C9orf153: variants seen among roughly 807,000 people sequenced by gnomAD.
C9orf153 encodes the protein chromosome 9 open reading frame 153, also known as uncharacterized protein C9orf153.
In C9orf153, 10 loss-of-function variants were observed where a neutral mutation model predicts 9.0. The observed-to-expected ratio is 1.11, with a 90% CI of 0.69 to 1.89. The LOEUF (loss-of-function observed/expected upper bound fraction) is 1.89, where lower values mean the gene tolerates loss of function less well. Among genes scored for constraint, C9orf153 ranks in the 40% most tolerant of loss-of-function variants. The pLI is 0.00. For missense variants in C9orf153, 108 were observed against 111.0 expected, an observed-to-expected ratio of 0.97 and a Z score of 0.12; for synonymous variants, 35 against 37.3, an observed-to-expected ratio of 0.94 and a Z score of 0.23.
At chr9:86,236,611 A>C (rs7874751) in intron 1 of C9orf153, among the ~76,000 whole-genome samples, 1 of 150,706 alleles carries the variant, frequency 6.6e-6, no homozygotes, top group Non-Finnish European at 1.5e-5. Flanking sequence ...CAAACATTTA[A>C]GGAATGTGTT....
Position 86,221,512 on chromosome 9 carries a change from G to A in C9orf153, c.*176C>T. 1 of 1,364,566 alleles carries A rather than the reference G, an allele frequency of 7.3e-7. No individual in the cohort carries two copies. The highest frequency in any genetic ancestry group is 2.8e-5 in the East Asian group (1 of 35,540). 84.5% of individuals were successfully genotyped at this position (1,364,566 alleles called of 1,614,324 possible). Reference sequence around the variant, plus strand: ...TTAATACACTACATATTCCATTTAAGAGAATAACTTCCTTCATTTTGATAA... The same window carrying A: ...TTAATACACTACATATTCCATTTAAAAGAATAACTTCCTTCATTTTGATAA... On this transcript the variant is annotated 3_prime_UTR_variant, in exon 4 of 4. Coordinates refer to ENST00000339137, the MANE Select transcript of C9orf153 (RefSeq NM_001276366.4).
chr9:86,252,777 T>C (rs1204112603), intron 1 of C9orf153, among the ~76,000 whole-genome samples: 1 of 152,248 alleles, frequency 6.6e-6, no homozygotes, highest in African/African-American at 2.4e-5. Flanking sequence ...CACAGGTTCC[T>C]GATAACTTTA....
rs1824170404 is a variant in C9orf153, at chr9:86,220,370, A to C, written c.*1318T>G. The C allele has an allele frequency of 6.6e-6, 1 of 152,284 alleles. No individual in the cohort carries two copies. The highest frequency in any genetic ancestry group is 2.1e-4 in the South Asian group (1 of 4,830). 9.4% of individuals were successfully genotyped at this position (152,284 alleles called of 1,614,324 possible). A position where few individuals can be genotyped will look rare whatever the true frequency, so the allele number is the denominator to read the frequency against. On this transcript the variant is annotated 3_prime_UTR_variant, in exon 4 of 4. Coordinates refer to ENST00000339137, the MANE Select transcript of C9orf153 (RefSeq NM_001276366.4). The stretch of plus-strand genomic sequence containing the variant: ...CCTCTGGGTTCTTACTAAAATACAT[A>C]CTTTATTAGTAGTTTTTTTTAAGCA...
intron 3 of C9orf153, among the ~76,000 whole-genome samples, chr9:86,222,655 C>T (rs565357276): frequency 6.6e-5 from 10 of 152,248 alleles, no homozygotes; most frequent in African/African-American, 2.4e-4. Flanking sequence ...AGCGATTCCC[C>T]TCTCCCTTCT....
chr9:86,252,393 T>C (rs1049529886), intron 1 of C9orf153, among the ~76,000 whole-genome samples: 1 of 152,200 alleles, frequency 6.6e-6, no homozygotes, highest in African/African-American at 2.4e-5. Context: ...AAAGTAAAGA[T>C]TTTTGCTTTT....
intron 1 of C9orf153, among the ~76,000 whole-genome samples, chr9:86,238,341 T>G (rs1824650135): frequency 6.6e-6 from 1 of 152,162 alleles, no homozygotes; most frequent in Non-Finnish European, 1.5e-5. Context: ...TACACATTCT[T>G]CTCAAGATCA....
chr9:86,241,179 T>C (rs755933453), intron 1 of C9orf153, among the ~76,000 whole-genome samples: 1 of 152,170 alleles, frequency 6.6e-6, no homozygotes, highest in Non-Finnish European at 1.5e-5. Context: ...TATATATACC[T>C]CTGTTCATCA....
chr9:86,249,838 C>A lies in C9orf153; in HGVS notation c.-27+9712G>T, dbSNP rs115357963. 6.3e-3 allele frequency among the ~76,000 whole-genome samples: 967 copies of A among 152,320 alleles called. 10 individuals carry two copies. The highest frequency in any genetic ancestry group is 0.024 in the Middle Eastern group (7 of 294). The stretch of plus-strand genomic sequence containing the variant: ...CTGGGATTACAGGCATGAGACACTG[C>A]ACTTGGCCACCTTCCCCTTTGCTCT... On this transcript the variant is annotated intron_variant, in intron 1 of 3. Transcript: ENST00000339137.
chr9:86,243,196 C>T (rs1191537104), intron 1 of C9orf153, among the ~76,000 whole-genome samples: 2 of 152,284 alleles, frequency 1.3e-5, no homozygotes, highest in East Asian at 3.9e-4. Context: ...TACTCAGTCC[C>T]ATGACAGGCC....
chr9:86,256,868 T>C (rs998199503), intron 1 of C9orf153, among the ~76,000 whole-genome samples: 9 of 152,168 alleles, frequency 5.9e-5, no homozygotes, highest in Non-Finnish European at 1.2e-4. Context: ...CAATAGCTTA[T>C]ACTATTTTGA....
chr9:86,229,289 A>G (rs1053375343), intron 2 of C9orf153, among the ~76,000 whole-genome samples: 5 of 151,388 alleles, frequency 3.3e-5, no homozygotes, highest in South Asian at 2.1e-4. Context: ...GTGTGCTAAC[A>G]TTGGTGAATG....
At chr9:86,241,174 A>G (rs1357112387) in intron 1 of C9orf153, among the ~76,000 whole-genome samples, 1 of 152,164 alleles carries the variant, frequency 6.6e-6, no homozygotes, top group African/African-American at 2.4e-5. Flanking sequence ...CCTAGTATAT[A>G]TACCTCTGTT....
rs187151316 is a variant in C9orf153 at position 86,247,011 on chromosome 9, G to A, written c.-27+12539C>T. Among the ~76,000 whole-genome samples the A allele has an allele frequency of 5.9e-5, 9 of 152,288 alleles. No homozygotes were observed. The East Asian group carries it at 1.5e-3, about 26-fold the overall frequency. The stretch of plus-strand genomic sequence containing the variant: ...TCCCTGTCTGGTTTCCACTTCCTGC[G>A]AGTTCACACGGGTCTCTTTGGGGAA... On this transcript the variant is annotated intron_variant, in intron 1 of 3. Transcript: ENST00000339137.
At chr9:86,229,939 G>C (rs1824432931) in intron 1 of C9orf153, among the ~76,000 whole-genome samples, 1 of 152,036 alleles carries the variant, frequency 6.6e-6, no homozygotes, top group Admixed American at 6.6e-5. Flanking sequence ...ACATGGCCAG[G>C]ACAGGAGAAA....
rs527352457 is a variant in C9orf153 at position 86,247,643 on chromosome 9, C to T, written c.-27+11907G>A. 2.0e-5 allele frequency among the ~76,000 whole-genome samples: 3 copies of T among 152,218 alleles called. No individual in the cohort carries two copies. The East Asian group carries it at 5.8e-4, about 29-fold the overall frequency. On this transcript the variant is annotated intron_variant, in intron 1 of 3. Coordinates refer to ENST00000339137, the MANE Select transcript of C9orf153 (RefSeq NM_001276366.4). Reference sequence around the variant, plus strand: ...TGTAGTAAGCCATGATCATGCCTCTCCACACCAGCCTGGACAACAGAGTGA... The same window carrying T: ...TGTAGTAAGCCATGATCATGCCTCTTCACACCAGCCTGGACAACAGAGTGA...
At chr9:86,254,047 C>T (rs765162139) in intron 1 of C9orf153, among the ~76,000 whole-genome samples, 11 of 144,496 alleles carry the variant, frequency 7.6e-5, no homozygotes, top group Admixed American at 2.2e-4. Context: ...GCCGAGATTG[C>T]GCCATTGCAC....
intron 1 of C9orf153, among the ~76,000 whole-genome samples, chr9:86,247,942 C>T (rs1335830172): frequency 6.6e-6 from 1 of 152,090 alleles, no homozygotes; most frequent in Non-Finnish European, 1.5e-5. Context: ...GTGAAGTGCT[C>T]AAAAGCTGGC....
chr9:86,225,590 C>T (rs1038705659), intron 3 of C9orf153, among the ~76,000 whole-genome samples: 4 of 152,114 alleles, frequency 2.6e-5, no homozygotes, highest in African/African-American at 7.2e-5. Context: ...TCCCAAGTAG[C>T]TGGGATTACA....
chr9:86,253,402 T>C (rs1418263913), intron 1 of C9orf153, among the ~76,000 whole-genome samples: 1 of 152,170 alleles, frequency 6.6e-6, no homozygotes, highest in Non-Finnish European at 1.5e-5. Context: ...TTTTGGGGAC[T>C]TCTAGAAGAG....
Sources: gnomAD v4.1 joint callset for allele counts (sites outside exome capture counted in the v4.1 genomes callset) on GRCh38, gnomAD v4.1.1 for gene constraint, MANE v1.5 for transcripts, NCBI Gene and HGNC (gene_info 2026-07-23, HGNC 2026-07-21) for gene names.